MIPEP: variants seen among roughly 807,000 people sequenced by gnomAD.
The protein encoded by MIPEP is mitochondrial intermediate peptidase.
In MIPEP, 79 loss-of-function variants were observed where a neutral mutation model predicts 90.3. The ratio of observed to expected loss-of-function variants is 0.87; its 90% CI spans 0.73 to 1.05. The LOEUF (loss-of-function observed/expected upper bound fraction) is 1.05. Among genes scored for constraint, MIPEP ranks in the 50% least tolerant of loss-of-function variants. The pLI is 0.00. For missense variants in MIPEP, 940 were observed against 905.6 expected (o/e 1.04, Z -0.49); for synonymous variants, 334 against 315.8 (o/e 1.06, Z -0.61).
chr13:23,884,976 G>GTATA, intron 2 of MIPEP, among the ~76,000 whole-genome samples: 1 of 152,164 alleles, frequency 6.6e-6, no homozygotes, highest in Admixed American at 6.5e-5. Flanking sequence ...CTGGAAATGA[G>GTATA]TATATCGAAG....
intron 18 of MIPEP, among the ~76,000 whole-genome samples, chr13:23,736,892 T>C (rs1952270583): frequency 6.6e-6 from 1 of 151,938 alleles, no homozygotes; most frequent in African/African-American, 2.4e-5. Flanking sequence ...GCCAAGAGAG[T>C]CACACAACTC....
At chr13:23,831,127 T>C (rs1868715965) in intron 14 of MIPEP, among the ~76,000 whole-genome samples, 1 of 152,114 alleles carries the variant, frequency 6.6e-6, no homozygotes, top group South Asian at 2.1e-4. Flanking sequence ...TTCACACATC[T>C]GGGGAAAATT....
At position 23,730,418 on chromosome 13, in the gene MIPEP, T is replaced by G. The variant is rs749918935; in HGVS notation, c.2072A>C (p.Asp691Ala). The G allele has an allele frequency of 2.4e-5, 38 of 1,612,286 alleles. No homozygotes were observed. The highest frequency in any genetic ancestry group is 3.0e-5 in the Non-Finnish European group (35 of 1,178,854). Residue 691 changes from aspartate (D) to alanine (A), a missense_variant, in exon 19 of 19, where the codon GAT becomes GCT. Asp to Ala is a moderately radical substitution (Grantham distance 126). Coordinates refer to ENST00000382172, the MANE Select transcript of MIPEP (RefSeq NM_005932.4). ...EGMLQKCPSV[D>A]DFVSALVSDL... ...GGAAACGAGGGCACTTACGAAGTCA[T>G]CAACAGAAGGACACTTCTGAAGCAT... is the stretch of plus-strand genomic sequence containing the variant.
At chr13:23,801,851 T>A (rs1436891057) in intron 16 of MIPEP, among the ~76,000 whole-genome samples, 1 of 152,182 alleles carries the variant, frequency 6.6e-6, no homozygotes, top group Admixed American at 6.5e-5. Flanking sequence ...CTTCCCGGAA[T>A]CCTCCCCCTC....
At chr13:23,827,538 GAAAAGA>G (rs938343629) in intron 14 of MIPEP, among the ~76,000 whole-genome samples, 1 of 152,052 alleles carries the variant, frequency 6.6e-6, no homozygotes, top group African/African-American at 2.4e-5. Context: ...TGCTTGTAAA[GAAAAGA>G]AAAAGAAACA....
chr13:23,769,753 G>C (rs1203846228), intron 16 of MIPEP, among the ~76,000 whole-genome samples: 1 of 152,154 alleles, frequency 6.6e-6, no homozygotes, highest in Non-Finnish European at 1.5e-5. Flanking sequence ...TGTCACATAC[G>C]GCTGCTATGG....
chr13:23,848,501 A>G (rs143801040), intron 10 of MIPEP, among the ~76,000 whole-genome samples: 6 of 152,306 alleles, frequency 3.9e-5, no homozygotes, highest in Admixed American at 3.9e-4. Context: ...ATGACGACCA[A>G]TCCAAATGAT....
At chr13:23,767,140 T>C (rs1952599206) in intron 16 of MIPEP, among the ~76,000 whole-genome samples, 1 of 152,154 alleles carries the variant, frequency 6.6e-6, no homozygotes, top group Admixed American at 6.5e-5. Context: ...ACCTGGGTGA[T>C]GCAGCCAAGC....
intron 2 of MIPEP, 62 bp downstream of exon 2, chr13:23,886,271 T>G: frequency 7.8e-7 from 1 of 1,286,582 alleles, no homozygotes; most frequent in East Asian, 2.7e-5. Context: ...AAGGATAAAT[T>G]TCACTTAAAT....
At chr13:23,767,024 G>T (rs1952597444) in intron 16 of MIPEP, among the ~76,000 whole-genome samples, 1 of 152,220 alleles carries the variant, frequency 6.6e-6, no homozygotes, top group Non-Finnish European at 1.5e-5. Flanking sequence ...TCTGGGGGAG[G>T]ACCCTGGAAC....
chr13:23,796,595 C>CA (rs1952965253), intron 16 of MIPEP, among the ~76,000 whole-genome samples: 1 of 144,954 alleles, frequency 6.9e-6, no homozygotes, highest in South Asian at 2.2e-4. Context: ...AAAAAAAAAA[C>CA]AAAAAAACTC....
At chr13:23,831,392 G>GGGGGGGGGGGGGGGGGC (rs1316041872) in intron 14 of MIPEP, among the ~76,000 whole-genome samples, 1 of 142,492 alleles carries the variant, frequency 7.0e-6, no homozygotes, top group African/African-American at 2.6e-5. Flanking sequence ...GCGGGGGGGG[G>GGGGGGGGGGGGGGGGGC]ATGTGGATGG....
At chr13:23,853,755 A>T (rs541706486) in intron 10 of MIPEP, among the ~76,000 whole-genome samples, 1 of 151,902 alleles carries the variant, frequency 6.6e-6, no homozygotes, top group Non-Finnish European at 1.5e-5. Context: ...TTTAGTAGAG[A>T]CAGGGTTTCA....
At chr13:23,844,678 G>A (rs1044749571) in intron 10 of MIPEP, among the ~76,000 whole-genome samples, 2 of 151,950 alleles carry the variant, frequency 1.3e-5, no homozygotes, top group Non-Finnish European at 2.9e-5. Flanking sequence ...AGATTATAAT[G>A]AACATTTATT....
chr13:23,848,225 C>T (rs1337699011), intron 10 of MIPEP, among the ~76,000 whole-genome samples: 1 of 152,174 alleles, frequency 6.6e-6, no homozygotes, highest in Non-Finnish European at 1.5e-5. Flanking sequence ...AGCAGGCACA[C>T]TGTAAATTAT....
chr13:23,819,565 TA>T (rs1418033409), intron 14 of MIPEP, among the ~76,000 whole-genome samples: 1 of 152,182 alleles, frequency 6.6e-6, no homozygotes, highest in African/African-American at 2.4e-5. Flanking sequence ...TTTCTTCTCA[TA>T]AACCATATTA....
chr13:23,753,183 G>C (rs1243870446), intron 18 of MIPEP, among the ~76,000 whole-genome samples: 1 of 149,776 alleles, frequency 6.7e-6, no homozygotes, highest in Admixed American at 6.7e-5. Flanking sequence ...AGGGGAGATC[G>C]TGCCACTGCA....
intron 5 of MIPEP, among the ~76,000 whole-genome samples, chr13:23,870,813 A>C (rs565516002): frequency 1.4e-3 from 218 of 152,214 alleles, no homozygotes; most frequent in Middle Eastern, 0.01. Flanking sequence ...TCAAAAAAAA[A>C]CAAAAAACAA....
chr13:23,806,126 G>A, intron 15 of MIPEP, 57 bp from the exon 16 acceptor site: 1 of 1,593,896 alleles, frequency 6.3e-7, no homozygotes, highest in Non-Finnish European at 8.6e-7. Context: ...ATCAAGATGT[G>A]GTTGACCAAA....
Sources: allele counts gnomAD v4.1 joint callset (sites outside exome capture counted in the v4.1 genomes callset), GRCh38; gene constraint gnomAD v4.1.1; transcripts MANE v1.5; gene names NCBI Gene and HGNC (gene_info 2026-07-23, HGNC 2026-07-21).